Variants in INPP4B observed in about 807,000 individuals in gnomAD.
The protein encoded by INPP4B is inositol polyphosphate-4-phosphatase type II B.
A neutral mutation model predicts 122.5 loss-of-function variants in INPP4B; 55 were observed. That is an observed-to-expected ratio of 0.45 (90% CI 0.36 to 0.56). The LOEUF (loss-of-function observed/expected upper bound fraction) is 0.56, where lower values mean the gene tolerates loss of function less well. INPP4B is among the 20% of genes least tolerant of loss of function. The pLI, the probability that INPP4B is intolerant of heterozygous loss-of-function variation, is 0.00. For synonymous variants in INPP4B, 403 were observed against 388.7 expected (o/e 1.04, Z -0.43); for missense variants, 1,000 against 1,097.7 (o/e 0.91, Z 1.26).
intron 2 of INPP4B, among the ~76,000 whole-genome samples, chr4:142,543,681 C>A (rs1300984793): frequency 6.6e-6 from 1 of 151,830 alleles, no homozygotes; most frequent in Non-Finnish European, 1.5e-5. Flanking sequence ...TAACTATTAC[C>A]CAAAGTTTGA....
At chr4:142,513,397 T>G (rs1824993670) in intron 2 of INPP4B, among the ~76,000 whole-genome samples, 1 of 150,840 alleles carries the variant, frequency 6.6e-6, no homozygotes, top group Non-Finnish European at 1.5e-5. Flanking sequence ...GCAAGGCCGC[T>G]CTCTGGGGTC....
intron 7 of INPP4B, among the ~76,000 whole-genome samples, chr4:142,331,608 G>T (rs2151542719): frequency 6.6e-6 from 1 of 152,306 alleles, no homozygotes; most frequent in South Asian, 2.1e-4. Flanking sequence ...TTACGTATTT[G>T]TTTGAGAGGT....
At chr4:142,656,687 G>T (rs540974504) in intron 2 of INPP4B, among the ~76,000 whole-genome samples, 349 of 152,286 alleles carry the variant, frequency 2.3e-3, no homozygotes, top group African/African-American at 7.7e-3. Flanking sequence ...TGTCTCCCTG[G>T]TGGAGGAACC....
At chr4:142,592,901 G>T (rs559563662) in intron 2 of INPP4B, among the ~76,000 whole-genome samples, 2 of 152,142 alleles carry the variant, frequency 1.3e-5, no homozygotes, top group African/African-American at 4.8e-5. Flanking sequence ...AGGAGTTCAA[G>T]ACCAGCCTGG....
At chr4:142,344,701 CA>C (rs1175015787) in intron 7 of INPP4B, among the ~76,000 whole-genome samples, 1 of 151,878 alleles carries the variant, frequency 6.6e-6, no homozygotes, top group African/African-American at 2.4e-5. Flanking sequence ...AGAACACACA[CA>C]GGGGCCTATC....
intron 9 of INPP4B, among the ~76,000 whole-genome samples, chr4:142,292,574 T>G (rs1181885079): frequency 6.6e-6 from 1 of 152,194 alleles, no homozygotes; most frequent in Non-Finnish European, 1.5e-5. Flanking sequence ...GATTTAAACT[T>G]TTAAATCCTT....
At chr4:142,297,005 G>A (rs948311434) in intron 9 of INPP4B, among the ~76,000 whole-genome samples, 1 of 151,776 alleles carries the variant, frequency 6.6e-6, no homozygotes, top group African/African-American at 2.4e-5. Flanking sequence ...TACTTCACTT[G>A]AAGTTACTTC....
At chr4:142,531,566 T>C (rs12504770) in intron 2 of INPP4B, among the ~76,000 whole-genome samples, 36,125 of 152,090 alleles carry the variant, frequency 0.24, 5,414 homozygotes, top group East Asian at 0.78. Flanking sequence ...TTTCTGAGTC[T>C]ATGTTGATGA....
At chr4:142,112,193 T>C (rs184533585) in intron 22 of INPP4B, among the ~76,000 whole-genome samples, 2 of 152,328 alleles carry the variant, frequency 1.3e-5, no homozygotes, top group East Asian at 3.9e-4. Flanking sequence ...ATTTAAAAAC[T>C]TGATGCTATT....
At chr4:142,732,216 G>A in intron 1 of INPP4B, among the ~76,000 whole-genome samples, 1 of 152,128 alleles carries the variant, frequency 6.6e-6, no homozygotes, top group Non-Finnish European at 1.5e-5. Context: ...TGCTTATGAA[G>A]ACAGAGAAGA....
chr4:142,320,406 C>T (rs1191834318), intron 7 of INPP4B, among the ~76,000 whole-genome samples: 3 of 152,182 alleles, frequency 2.0e-5, no homozygotes, highest in East Asian at 3.9e-4. Context: ...TAGAATTCCA[C>T]CTACCACAAT....
Position 142,388,231 on chromosome 4 carries a change from G to A in INPP4B, c.372+14707C>T, listed in dbSNP as rs188613797. Among the ~76,000 whole-genome samples the A allele has an allele frequency of 1.5e-3, 223 of 152,278 alleles. 1 individual carries two copies. Among genetic ancestry groups the A allele is most frequent in the African/African-American group, 5.0e-3 (209 of 41,552 alleles). On this transcript the variant is annotated intron_variant, in intron 7 of 25. Coordinates refer to ENST00000262992, the MANE Select transcript of INPP4B (RefSeq NM_001101669.3). ...TAAAATCCAGGAATATTGGCCACTC[G>A]GCATGGCTAAAGCCAGGCAATAAAT...
rs537222574 is a variant in INPP4B at position 142,328,830 on chromosome 4, T to C, written c.373-14068A>G. On this transcript the variant is annotated intron_variant, in intron 7 of 25. Transcript: ENST00000262992. ...GGATTCTTGATAATTTTTAAGAATG[T>C]AAAAGGGTCCTAAAACCAAAAGTTT... Among the ~76,000 whole-genome samples the C allele has an allele frequency of 5.3e-5, 8 of 152,334 alleles. No homozygotes were observed. In the East Asian group the frequency reaches 1.3e-3, roughly 26 times the overall value.
chr4:142,041,405 G>T (rs1000822824), intron 25 of INPP4B, among the ~76,000 whole-genome samples: 13 of 152,194 alleles, frequency 8.5e-5, no homozygotes, highest in African/African-American at 3.1e-4. Context: ...ATCACCTGAG[G>T]TCAGGAGTTT....
intron 2 of INPP4B, among the ~76,000 whole-genome samples, chr4:142,625,688 CA>C (rs1158791725): frequency 2.6e-5 from 4 of 152,016 alleles, no homozygotes; most frequent in African/African-American, 9.7e-5. Flanking sequence ...AATCCTAAGC[CA>C]AAAGAACAAA....
At chr4:142,675,717 CATCACATAAACAGA>C (rs1485890612) in intron 2 of INPP4B, among the ~76,000 whole-genome samples, 1 of 152,122 alleles carries the variant, frequency 6.6e-6, no homozygotes, top group African/African-American at 2.4e-5. Context: ...AAGTGTAATC[CATCACATAAACAGA>C]ACCAATGACA....
intron 2 of INPP4B, among the ~76,000 whole-genome samples, chr4:142,502,140 G>C (rs1823462992): frequency 6.6e-6 from 1 of 152,152 alleles, no homozygotes; most frequent in Non-Finnish European, 1.5e-5. Context: ...TCCCCGAGTT[G>C]TTTTTCAGAA....
chr4:142,752,165 G>A (rs956537243), intron 1 of INPP4B, among the ~76,000 whole-genome samples: 1 of 152,032 alleles, frequency 6.6e-6, no homozygotes, highest in Non-Finnish European at 1.5e-5. Context: ...TAGAATGGAA[G>A]CTAGCCACAT....
At chr4:142,576,420 A>C (rs181147704) in intron 2 of INPP4B, among the ~76,000 whole-genome samples, 40 of 152,124 alleles carry the variant, frequency 2.6e-4, no homozygotes, top group Admixed American at 1.9e-3. Context: ...GTCTTTCTAC[A>C]TTATGACCAA....
Sources: gnomAD v4.1 joint callset for allele counts (sites outside exome capture counted in the v4.1 genomes callset) on GRCh38, gnomAD v4.1.1 for gene constraint, MANE v1.5 for transcripts, NCBI Gene and HGNC (gene_info 2026-07-23, HGNC 2026-07-21) for gene names.